Variants in SLC25A29 observed in about 807,000 individuals in gnomAD.
SLC25A29 encodes solute carrier family 25 member 29.
Under a neutral mutation model 10.0 loss-of-function variants are expected in SLC25A29, and 13 were observed. The observed-to-expected ratio is 1.30, with a 90% CI of 0.85 to 2.07. The LOEUF (loss-of-function observed/expected upper bound fraction) is 2.07, where lower values mean the gene tolerates loss of function less well. Ranked by LOEUF, SLC25A29 falls within the 30% of genes most tolerant of loss-of-function variation. The pLI is 0.00. For synonymous variants in SLC25A29, 244 were observed against 221.1 expected (o/e 1.10, Z -0.92); for missense variants, 475 against 447.6 (o/e 1.06, Z -0.55).
chr14:100,300,481 C>T (rs1892468819), intron 1 of SLC25A29, among the ~76,000 whole-genome samples: 2 of 152,136 alleles, frequency 1.3e-5, no homozygotes, highest in South Asian at 4.1e-4. Context: ...CTCCTGGGCT[C>T]AATCGACCCT....
At chr14:100,302,826 C>T (rs1059264) in intron 1 of SLC25A29, among the ~76,000 whole-genome samples, 42,854 of 150,606 alleles carry the variant, frequency 0.28, 6,586 homozygotes, top group Middle Eastern at 0.38. Flanking sequence ...TGTGGGAGGT[C>T]GCTGAGATTT....
chr14:100,292,257 C>G lies in SLC25A29; in HGVS notation c.*26G>C, dbSNP rs1181348630. 1 of 1,532,474 alleles carries G rather than the reference C, an allele frequency of 6.5e-7. No individual in the cohort carries two copies. The highest frequency in any genetic ancestry group is 1.2e-5 in the South Asian group (1 of 84,042). 94.9% of individuals were successfully genotyped at this position (1,532,474 alleles called of 1,614,324 possible). A position where few individuals can be genotyped will look rare whatever the true frequency, so the allele number is the denominator to read the frequency against. On this transcript the variant is annotated 3_prime_UTR_variant, in exon 4 of 4. Transcript: ENST00000359232. Reference sequence around the variant, plus strand: ...ATGTCCCAGGTTTCTGAGAAGGAGCCCTGGGGAAGGAGGGCGGGGTGAGCG... The same window carrying G: ...ATGTCCCAGGTTTCTGAGAAGGAGCGCTGGGGAAGGAGGGCGGGGTGAGCG...
intron 2 of SLC25A29, chr14:100,298,638 T>C (rs980103523): frequency 6.1e-6 from 4 of 657,034 alleles, no homozygotes; most frequent in African/African-American, 5.4e-5. Context: ...AAGCCCAGGA[T>C]GGACTTGGCC....
intron 2 of SLC25A29, among the ~76,000 whole-genome samples, chr14:100,297,285 A>T (rs1008913072): frequency 1.3e-5 from 2 of 152,178 alleles, no homozygotes; most frequent in African/African-American, 4.8e-5. Context: ...TGGGCTGGAG[A>T]AACTCCTGTC....
At chr14:100,283,810 T>TA in the SLC25A29 span, among the ~76,000 whole-genome samples, 1 of 152,174 alleles carries the variant, frequency 6.6e-6, no homozygotes, top group African/African-American at 2.4e-5. Context: ...AACCCCTAGA[T>TA]ACAGATGAAA....
At chr14:100,297,399 C>T (rs990516488) in intron 2 of SLC25A29, among the ~76,000 whole-genome samples, 3 of 152,156 alleles carry the variant, frequency 2.0e-5, no homozygotes, top group Admixed American at 6.5e-5. Context: ...CTGAGGGGGC[C>T]GGGCAGAAGC....
At chr14:100,295,963 C>T in intron 2 of SLC25A29, 2 of 1,289,740 alleles carry the variant, frequency 1.6e-6, no homozygotes, top group Non-Finnish European at 2.0e-6. Flanking sequence ...TAGAGGAGAT[C>T]CAGATCTTGG....
downstream of SLC25A29, among the ~76,000 whole-genome samples, chr14:100,287,681 C>T (rs1463331498): frequency 2.2e-5 from 3 of 133,654 alleles, no homozygotes; most frequent in Admixed American, 2.6e-4. Context: ...TGGACTCCCT[C>T]ATGGCCTCTG....
At chr14:100,300,765 A>G (rs1892486702) in intron 1 of SLC25A29, among the ~76,000 whole-genome samples, 1 of 152,230 alleles carries the variant, frequency 6.6e-6, no homozygotes, top group Non-Finnish European at 1.5e-5. Context: ...CCCAGTCTAA[A>G]GCAGTCTGAT....
At chr14:100,287,140 A>G (rs1408239804), downstream of SLC25A29, among the ~76,000 whole-genome samples, 1 of 152,254 alleles carries the variant, frequency 6.6e-6, no homozygotes, top group African/African-American at 2.4e-5. Flanking sequence ...ATGACTCACT[A>G]AAGGCCCAGG....
At chr14:100,300,680 TAG>T (rs1892481679) in intron 1 of SLC25A29, among the ~76,000 whole-genome samples, 1 of 152,150 alleles carries the variant, frequency 6.6e-6, no homozygotes, top group Non-Finnish European at 1.5e-5. Flanking sequence ...GCCCAATGTG[TAG>T]TTTTGAACCT....
In SLC25A29 at chr14:100,291,894, G is replaced by C. The variant is rs1434523263; in HGVS notation, c.*389C>G. 3.5e-6 allele frequency: 1 copy of C among 284,950 alleles called. No homozygotes were observed. Among genetic ancestry groups the C allele is most frequent in the Non-Finnish European group, 6.7e-6 (1 of 149,264 alleles). The allele number at this position is 284,950 out of a possible 1,614,324, so 17.7% of individuals were successfully genotyped here. ...AGGTCCCTGGGTGGCCCCTTGGTTGGCCATCAGAGACCCCCGGGAGCCAGC... is the reference window on the plus strand; with the variant it reads ...AGGTCCCTGGGTGGCCCCTTGGTTGCCCATCAGAGACCCCCGGGAGCCAGC... On this transcript the variant is annotated 3_prime_UTR_variant, in exon 4 of 4. Transcript: ENST00000359232.
Position 100,298,836 on chromosome 14 carries a change from A to C in SLC25A29, c.78+6T>G. ...CCGAGGAAAAAAAAGCAGCGATGAG[A>C]CTCACCTTGACCGTGTCAAACGGGT... On this transcript the variant is annotated splice_donor_region_variant and intron_variant, in intron 2 of 3. Transcript: ENST00000359232. 1 of 1,614,044 alleles carries C rather than the reference A, an allele frequency of 6.2e-7. No individual in the cohort carries two copies. Among genetic ancestry groups the C allele is most frequent in the Non-Finnish European group, 8.5e-7 (1 of 1,180,004 alleles).
At chr14:100,295,079 T>A (rs1892046416) in intron 2 of SLC25A29, 1 of 157,204 alleles carries the variant, frequency 6.4e-6, no homozygotes, top group Admixed American at 6.1e-5. Flanking sequence ...GCCACCTGGG[T>A]AGTGTTGTGA....
intron 2 of SLC25A29, chr14:100,295,968 T>TC: frequency 1.6e-6 from 2 of 1,289,750 alleles, no homozygotes; most frequent in Non-Finnish European, 2.0e-6. Context: ...GAGATCCAGA[T>TC]CTTGGATTCT....
intron 2 of SLC25A29, chr14:100,293,723 G>C (rs547687108): frequency 8.0e-6 from 2 of 249,902 alleles, no homozygotes; most frequent in East Asian, 9.6e-5. Flanking sequence ...TCCAGGTGAT[G>C]CTTGTCATAC....
At chr14:100,287,434 C>A (rs1307961798), downstream of SLC25A29, among the ~76,000 whole-genome samples, 1 of 152,172 alleles carries the variant, frequency 6.6e-6, no homozygotes, top group Non-Finnish European at 1.5e-5. Context: ...GAGACAAATG[C>A]CTTGGCAGTG....
rs1204140999 is a variant in SLC25A29, at chr14:100,292,714, C to T, written c.481G>A (p.Glu161Lys). 6.2e-7 allele frequency: 1 copy of T among 1,601,920 alleles called. No individual in the cohort carries two copies. Among genetic ancestry groups the T allele is most frequent in the South Asian group, 1.1e-5 (1 of 89,458 alleles). ...AAGTAGACGCCGAAGCTGGGCGTCTCACGCAGCAACGTGGACACCATGCCC... is the reference window on the plus strand; with the variant it reads ...AAGTAGACGCCGAAGCTGGGCGTCTTACGCAGCAACGTGGACACCATGCCC... ...NRGMVSTLLR[E>K]TPSFGVYFLT... The change falls in exon 4 of 4, where the codon GAG becomes AAG. Residue 161 changes from glutamate to lysine, a missense_variant. Coordinates refer to ENST00000359232, the MANE Select transcript of SLC25A29 (RefSeq NM_001039355.3).
intron 1 of SLC25A29, among the ~76,000 whole-genome samples, chr14:100,300,962 C>T (rs551694002): frequency 2.6e-5 from 4 of 151,876 alleles, no homozygotes; most frequent in African/African-American, 9.7e-5. Flanking sequence ...TGTAGTGTTG[C>T]GGTCTCGGCT....
Sources: gnomAD v4.1 joint callset for allele counts (sites outside exome capture counted in the v4.1 genomes callset) on GRCh38, gnomAD v4.1.1 for gene constraint, MANE v1.5 for transcripts, NCBI Gene and HGNC (gene_info 2026-07-23, HGNC 2026-07-21) for gene names.